RAB30: variants seen among roughly 807,000 people sequenced by gnomAD.
RAB30 encodes ras-related protein Rab-30.
A neutral mutation model predicts 25.1 loss-of-function variants in RAB30; 9 were observed. The observed-to-expected ratio is 0.36, with a 90% confidence interval of 0.22 to 0.63. The LOEUF (loss-of-function observed/expected upper bound fraction) is 0.63. RAB30 is among the 20% of genes least tolerant of loss of function. RAB30 has a pLI of 0.69. For missense variants in RAB30, 140 were observed against 243.5 expected (o/e 0.58, Z 2.83); for synonymous variants, 77 against 86.4 (o/e 0.89, Z 0.60).
rs1856764134 is a variant in RAB30, at chr11:82,987,704, C to T, written c.244G>A (p.Ala82Thr). The T allele has an allele frequency of 1.2e-6, 2 of 1,613,258 alleles. No homozygotes were observed. Among genetic ancestry groups the T allele is most frequent in the Non-Finnish European group, 1.7e-6 (2 of 1,179,502 alleles). ...RSITQSYYRS[A>T]NALILTYDIT... is the part of the protein sequence containing the mutation. ...TCATAGGTGAGGATCAAGGCATTGGCGCTTCGGTAGTAACTCTGGGTAATG... is the reference window on the plus strand; with the variant it reads ...TCATAGGTGAGGATCAAGGCATTGGTGCTTCGGTAGTAACTCTGGGTAATG... Residue 82 changes from alanine to threonine, a missense_variant, in exon 4 of 5, where the codon GCC (alanine) becomes ACC (threonine). Ala to Thr is a moderately conservative substitution (Grantham distance 58, BLOSUM62 0). Coordinates refer to ENST00000527633, the MANE Select transcript of RAB30 (RefSeq NM_001286060.2).
chr11:83,015,585 G>A (rs1290879294), intron 1 of RAB30, among the ~76,000 whole-genome samples: 2 of 152,174 alleles, frequency 1.3e-5, no homozygotes, highest in Non-Finnish European at 2.9e-5. Context: ...GAGAGAGTCT[G>A]AGGCTAAAGA....
intron 1 of RAB30, among the ~76,000 whole-genome samples, chr11:83,053,918 C>T (rs1270784535): frequency 1.3e-5 from 2 of 152,052 alleles, no homozygotes; most frequent in Non-Finnish European, 1.5e-5. Context: ...GACGAAACCC[C>T]GTCTCTACTA....
At chr11:83,002,694 G>C (rs1475158864) in intron 1 of RAB30, among the ~76,000 whole-genome samples, 1 of 100,242 alleles carries the variant, frequency 1.0e-5, no homozygotes, top group Non-Finnish European at 2.0e-5. Context: ...TAGCACTTTG[G>C]GAGGCTGAGG....
rs1407500382 is a variant in RAB30 at position 82,975,366 on chromosome 11, CAA to C, written c.*6797_*6798del. 6.6e-6 allele frequency: 1 copy of C among 152,136 alleles called. No individual in the cohort carries two copies. The highest frequency in any genetic ancestry group is 1.5e-5 in the Non-Finnish European group (1 of 67,980). The allele number at this position is 152,136 out of a possible 1,614,324, so 9.4% of individuals were successfully genotyped here. On this transcript the variant is annotated 3_prime_UTR_variant, in exon 5 of 5. Transcript: ENST00000527633. ...CCAGGCATAAATGTGTAACCTTAAACAAAAACTGTGCATTATTCAACCAGCTA... is the reference window on the plus strand; with the variant it reads ...CCAGGCATAAATGTGTAACCTTAAACAAACTGTGCATTATTCAACCAGCTA...
At chr11:82,992,736 A>AACACACACACAC (rs113845129) in intron 3 of RAB30, among the ~76,000 whole-genome samples, 1,448 of 131,184 alleles carry the variant, frequency 0.011, 26 homozygotes, top group East Asian at 0.027. Context: ...CTCTGTCACC[A>AACACACACACAC]ACACACACAC....
intron 1 of RAB30, 79 bp from the exon 2 acceptor site, chr11:82,997,403 T>A (rs1044422426): frequency 2.0e-6 from 2 of 1,018,632 alleles, no homozygotes; most frequent in African/African-American, 1.6e-5. Flanking sequence ...CAGCCTTCTC[T>A]CCGGGGGAAC....
intron 1 of RAB30, among the ~76,000 whole-genome samples, chr11:83,061,715 T>TC (rs1313303498): frequency 7.0e-6 from 1 of 143,040 alleles, no homozygotes; most frequent in Middle Eastern, 3.3e-3. Context: ...CTTTTCTTTT[T>TC]TTTTTTTTTT....
intron 1 of RAB30, among the ~76,000 whole-genome samples, chr11:83,007,145 A>G (rs533873208): frequency 5.9e-5 from 9 of 152,332 alleles, no homozygotes; most frequent in Non-Finnish European, 1.2e-4. Flanking sequence ...CAACAGAGCC[A>G]GAAGAGCAAA....
chr11:83,047,538 T>C (rs1050590664), intron 1 of RAB30, among the ~76,000 whole-genome samples: 12 of 152,226 alleles, frequency 7.9e-5, no homozygotes, highest in African/African-American at 2.4e-4. Context: ...CAAATATTTA[T>C]GTCAGGGCAA....
At chr11:83,049,470 G>A (rs956157448) in intron 1 of RAB30, among the ~76,000 whole-genome samples, 6 of 137,384 alleles carry the variant, frequency 4.4e-5, no homozygotes, top group African/African-American at 1.5e-4. Flanking sequence ...GGCGGGGGGT[G>A]CAGGGGGCAG....
chr11:83,032,131 G>GAAT (rs34357413), intron 1 of RAB30, among the ~76,000 whole-genome samples: 10,324 of 152,134 alleles, frequency 0.068, 752 homozygotes, highest in African/African-American at 0.18. Flanking sequence ...TGTCTCAATA[G>GAAT]TAGTGATCCT....
At chr11:83,014,629 T>C (rs1417905526) in intron 1 of RAB30, among the ~76,000 whole-genome samples, 1 of 37,470 alleles carries the variant, frequency 2.7e-5, no homozygotes, top group African/African-American at 1.1e-4. Context: ...AAGAAAGAAG[T>C]AAGAAAAAGA....
chr11:83,005,156 C>T (rs1296507686), intron 1 of RAB30, among the ~76,000 whole-genome samples: 1 of 152,160 alleles, frequency 6.6e-6, no homozygotes, highest in East Asian at 1.9e-4. Context: ...TCCCAACAAC[C>T]TCAAGAGAAA....
chr11:83,033,355 T>G (rs893068533), intron 1 of RAB30, among the ~76,000 whole-genome samples: 1 of 151,432 alleles, frequency 6.6e-6, no homozygotes, highest in East Asian at 1.9e-4. Flanking sequence ...TGTCAGCCAC[T>G]GAGCCCGGCC....
intron 1 of RAB30, among the ~76,000 whole-genome samples, chr11:83,025,014 G>A (rs1343128820): frequency 2.6e-5 from 4 of 152,176 alleles, no homozygotes; most frequent in Non-Finnish European, 5.9e-5. Flanking sequence ...TTGTTTGAAC[G>A]CTAGTAAGTT....
intron 1 of RAB30, among the ~76,000 whole-genome samples, chr11:83,007,047 A>C (rs898512708): frequency 6.6e-6 from 1 of 152,270 alleles, no homozygotes; most frequent in African/African-American, 2.4e-5. Flanking sequence ...CTGAGGAAGC[A>C]GAAGGAGCTC....
intron 1 of RAB30, among the ~76,000 whole-genome samples, chr11:83,070,242 T>C (rs1291515932): frequency 6.6e-6 from 1 of 152,142 alleles, no homozygotes; most frequent in Non-Finnish European, 1.5e-5. Context: ...TGTTGATCTT[T>C]TCCCAAATCC....
chr11:83,056,556 T>C (rs1435253282), intron 1 of RAB30, among the ~76,000 whole-genome samples: 1 of 152,204 alleles, frequency 6.6e-6, no homozygotes. Context: ...TGATGGGCTC[T>C]CAATAAATAC....
At chr11:82,995,111 A>G (rs1426228584) in intron 2 of RAB30, among the ~76,000 whole-genome samples, 1 of 152,240 alleles carries the variant, frequency 6.6e-6, no homozygotes, top group Non-Finnish European at 1.5e-5. Flanking sequence ...GTCAAGAAAG[A>G]ACTCTTCACC....
Sources: allele counts gnomAD v4.1 joint callset (sites outside exome capture counted in the v4.1 genomes callset), GRCh38; gene constraint gnomAD v4.1.1; transcripts MANE v1.5; gene names NCBI Gene and HGNC (gene_info 2026-07-23, HGNC 2026-07-21).